The following DOCK8 variants were observed in gnomAD, a reference collection of about 807,000 sequenced individuals.
The protein encoded by DOCK8 is dedicator of cytokinesis protein 8.
A neutral mutation model predicts 245.6 loss-of-function variants in DOCK8; 141 were observed. The observed-to-expected ratio is 0.57, with a 90% CI of 0.50 to 0.66. DOCK8 has a LOEUF of 0.66. Among genes scored for constraint, DOCK8 ranks in the 30% least tolerant of loss-of-function variants. DOCK8 has a pLI of 0.00. For missense variants in DOCK8, 2,965 were observed against 2,603.4 expected, an observed-to-expected ratio of 1.14 and a Z score of -3.02; for synonymous variants, 1,168 against 970.2, an observed-to-expected ratio of 1.20 and a Z score of -3.79.
intron 9 of DOCK8, 48 bp downstream of exon 9, chr9:328,219 T>C (rs2050851934): frequency 7.6e-6 from 12 of 1,580,478 alleles, no homozygotes; most frequent in Admixed American, 1.8e-5. Flanking sequence ...TTCATTGCTG[T>C]GTTGTTCCCA....
At chr9:460,639 G>A (rs2057775134) in intron 46 of DOCK8, 1 of 152,198 alleles carries the variant, frequency 6.6e-6, no homozygotes, top group African/African-American at 2.4e-5. Flanking sequence ...TAAAAGATAG[G>A]TGAAAATCCA....
chr9:403,917 C>CGTGT (rs1465035002), intron 26 of DOCK8, among the ~76,000 whole-genome samples: 39 of 65,124 alleles, frequency 6.0e-4, no homozygotes, highest in African/African-American at 3.1e-3. Flanking sequence ...TATATATATA[C>CGTGT]ATATATATAT....
intron 18 of DOCK8, among the ~76,000 whole-genome samples, chr9:373,359 A>C (rs1222171623): frequency 6.6e-6 from 1 of 152,228 alleles, no homozygotes; most frequent in Non-Finnish European, 1.5e-5. Flanking sequence ...TTTGTTTTTA[A>C]CCATCACAAT....
In DOCK8 at chr9:332,384, C is replaced by A. The variant is rs952548853; in HGVS notation, c.1045-14C>A. On this transcript the variant is annotated splice_polypyrimidine_tract_variant and intron_variant, in intron 9 of 47. Transcript: ENST00000432829. ...AATTTATGTGCCTTATTTTAATATT[C>A]TTTTTATTGGTAGATTGAAAAAGTC... The A allele has an allele frequency of 1.5e-5, 24 of 1,582,524 alleles. No homozygotes were observed. Among genetic ancestry groups the A allele is most frequent in the Non-Finnish European group, 2.0e-5 (23 of 1,151,712 alleles).
At chr9:215,077 C>G (rs781344592) in intron 1 of DOCK8, 48 bp downstream of exon 1, 9 of 1,538,966 alleles carry the variant, frequency 5.8e-6, no homozygotes, top group East Asian at 2.5e-5. Context: ...CAGCCCAGCG[C>G]TGGTGTGAAG....
At position 300,919 on chromosome 9, in the gene DOCK8, G is replaced by A. The variant is rs2049513945; in HGVS notation, c.405-3662G>A. On this transcript the variant is annotated intron_variant, in intron 4 of 47. Transcript: ENST00000432829. The stretch of plus-strand genomic sequence containing the variant: ...AGCCAAATTATACCAGATATACAAA[G>A]AAGAGCTAGTACCAATCCTACTGAA... Among the ~76,000 whole-genome samples the A allele has an allele frequency of 2.0e-5, 3 of 152,120 alleles. No individual in the cohort carries two copies. In the South Asian group the frequency reaches 6.2e-4, roughly 32 times the overall value.
intron 35 of DOCK8, 74 bp downstream of exon 35, chr9:428,570 C>A: frequency 6.4e-7 from 1 of 1,568,950 alleles, no homozygotes; most frequent in Non-Finnish European, 8.7e-7. Context: ...CTTCTCTCTT[C>A]AGGTGGACCA....
chr9:322,989 A>C (rs561504784), intron 7 of DOCK8, among the ~76,000 whole-genome samples: 1 of 151,200 alleles, frequency 6.6e-6, no homozygotes, highest in South Asian at 2.1e-4. Context: ...GCTGCTAGGG[A>C]GGCTGAGGCC....
chr9:368,301 GT>G, intron 15 of DOCK8, 166 bp downstream of exon 15: 1 of 765,324 alleles, frequency 1.3e-6, no homozygotes, highest in Non-Finnish European at 2.4e-6. Context: ...GGGAAACAGG[GT>G]CAGTCTTACT....
chr9:216,392 C>G (rs935058105), intron 1 of DOCK8, among the ~76,000 whole-genome samples: 2 of 151,864 alleles, frequency 1.3e-5, no homozygotes, highest in African/African-American at 2.4e-5. Flanking sequence ...AAACATTAGC[C>G]AGGTGTGGTT....
In DOCK8 at chr9:405,287, G is replaced by T. The variant is rs1348121090; in HGVS notation, c.3390+214G>T. ...TTTCTCCCCAGGCTCAAGGCTCCCT[G>T]ATCAGGTTAAGTAAAGCCAAGAATC... On this transcript the variant is annotated intron_variant, in intron 27 of 47. Coordinates refer to ENST00000432829, the MANE Select transcript of DOCK8 (RefSeq NM_203447.4). Among the ~76,000 whole-genome samples, 3 of 152,142 alleles carry T rather than the reference G, an allele frequency of 2.0e-5. No homozygotes were observed. In the South Asian group the frequency reaches 6.2e-4, roughly 31 times the overall value.
intron 26 of DOCK8, among the ~76,000 whole-genome samples, chr9:399,650 G>T (rs137891284): frequency 5.9e-5 from 9 of 151,954 alleles, no homozygotes; most frequent in African/African-American, 2.2e-4. Flanking sequence ...TTAAATTGCT[G>T]TTGTGATGCT....
chr9:356,948 A>G (rs1281340577), intron 14 of DOCK8, among the ~76,000 whole-genome samples: 5 of 152,156 alleles, frequency 3.3e-5, no homozygotes, highest in Non-Finnish European at 4.4e-5. Flanking sequence ...TTTCCCCAGC[A>G]GATTTCGAAT....
chr9:273,599 T>G (rs1173631500), intron 2 of DOCK8, among the ~76,000 whole-genome samples: 2 of 152,160 alleles, frequency 1.3e-5, no homozygotes, highest in Admixed American at 6.5e-5. Flanking sequence ...GTAGTTGTCT[T>G]GGGAAGTAGT....
intron 27 of DOCK8, among the ~76,000 whole-genome samples, chr9:405,932 TC>T (rs749400477): frequency 5.0e-4 from 76 of 152,274 alleles, no homozygotes; most frequent in Admixed American, 3.2e-3. Flanking sequence ...TCCTAAAACT[TC>T]CCTGGACTAA....
At position 409,161 on chromosome 9, in the gene DOCK8, A is replaced by C. The variant is rs373912798; in HGVS notation, c.3530+2092A>C. Among the ~76,000 whole-genome samples, 8 of 151,758 alleles carry C rather than the reference A, an allele frequency of 5.3e-5. No individual in the cohort carries two copies. In the East Asian group the frequency reaches 5.8e-4, roughly 11 times the overall value. On this transcript the variant is annotated intron_variant, in intron 28 of 47. Coordinates refer to ENST00000432829, the MANE Select transcript of DOCK8 (RefSeq NM_203447.4). ...TTGGTAGACTTGCCAACACCTGTAC[A>C]TCCATGGGGCAAGGGCCAGAAGGAC...
chr9:350,258 G>A (rs891077536), intron 14 of DOCK8, among the ~76,000 whole-genome samples: 1 of 152,118 alleles, frequency 6.6e-6, no homozygotes, highest in African/African-American at 2.4e-5. Flanking sequence ...GACCACTGCT[G>A]TGTGTCACCA....
intron 26 of DOCK8, among the ~76,000 whole-genome samples, chr9:400,705 C>A (rs2054923275): frequency 8.3e-6 from 1 of 120,352 alleles, no homozygotes; most frequent in Non-Finnish European, 1.7e-5. Context: ...CCACCACCAC[C>A]ACCTCCACCA....
intron 14 of DOCK8, among the ~76,000 whole-genome samples, chr9:360,450 T>G (rs978291584): frequency 6.6e-6 from 1 of 152,212 alleles, no homozygotes; most frequent in Non-Finnish European, 1.5e-5. Context: ...ACATGTTATT[T>G]AAAACATATT....
Sources: allele counts gnomAD v4.1 joint callset (sites outside exome capture counted in the v4.1 genomes callset), GRCh38; gene constraint gnomAD v4.1.1; transcripts MANE v1.5; gene names NCBI Gene and HGNC (gene_info 2026-07-23, HGNC 2026-07-21).